Variants in KCNA2 observed in about 807,000 individuals in gnomAD.
The protein encoded by KCNA2 is potassium channel, voltage gated shaker related subfamily A, member 2.
In KCNA2, 11 loss-of-function variants were observed where a neutral mutation model predicts 33.4. The ratio of observed to expected loss-of-function variants is 0.33; its 90% CI spans 0.21 to 0.55. KCNA2 has a LOEUF of 0.55. KCNA2 is among the 20% of genes least tolerant of loss of function. The probability of loss-of-function intolerance (pLI) is 0.93; values close to 1 mark genes in which losing one functional copy is unlikely to be tolerated. For missense variants in KCNA2, 291 were observed against 621.6 expected, an observed-to-expected ratio of 0.47 and a Z score of 5.66; for synonymous variants, 222 against 231.3, an observed-to-expected ratio of 0.96 and a Z score of 0.37.
rs1649156666 is a variant in KCNA2 at position 110,597,716 on chromosome 1, C to T, written c.*5567G>A. 1 of 985,240 alleles carries T rather than the reference C, an allele frequency of 1.0e-6. No homozygotes were observed. Among genetic ancestry groups the T allele is most frequent in the Non-Finnish European group, 1.2e-6 (1 of 829,912 alleles). 61.0% of individuals were successfully genotyped at this position (985,240 alleles called of 1,614,324 possible). A position where few individuals can be genotyped will look rare whatever the true frequency, so the allele number is the denominator to read the frequency against. On this transcript the variant is annotated 3_prime_UTR_variant, in exon 3 of 3. Transcript: ENST00000316361. ...GAAGTCAAGGGCATTATCTGATAATCCAGGTACTATCTATCACTTTTCAGT... is the reference window on the plus strand; with the variant it reads ...GAAGTCAAGGGCATTATCTGATAATTCAGGTACTATCTATCACTTTTCAGT...
chr1:110,594,076 G>A lies in KCNA2; in HGVS notation c.*9207C>T, dbSNP rs893291203. ...AGTTCCCTTTCGGCATCATCCTTAC[G>A]AAGCTTTACCATCAGCCTTGGAGTT... On this transcript the variant is annotated 3_prime_UTR_variant, in exon 3 of 3. Coordinates refer to ENST00000316361, the MANE Select transcript of KCNA2 (RefSeq NM_004974.4). The A allele has an allele frequency of 3.0e-5, 44 of 1,444,306 alleles. No individual in the cohort carries two copies. In the South Asian group the frequency reaches 4.6e-4, roughly 15 times the overall value. 89.5% of individuals were successfully genotyped at this position (1,444,306 alleles called of 1,614,324 possible). A position where few individuals can be genotyped will look rare whatever the true frequency, so the allele number is the denominator to read the frequency against.
chr1:110,609,697 C>CA (rs1336832133), upstream of KCNA2, among the ~76,000 whole-genome samples: 1 of 151,084 alleles, frequency 6.6e-6, no homozygotes. Flanking sequence ...TGAACAATGA[C>CA]AAAAAAAGAA....
chr1:110,604,036 G>T lies in KCNA2; in HGVS notation c.747C>A (p.Gly249=), dbSNP rs1388485895. The change falls in exon 3 of 3, where the codon GGC becomes GGA. Residue 249 remains glycine (G), a synonymous_variant. Coordinates refer to ENST00000316361, the MANE Select transcript of KCNA2 (RefSeq NM_004974.4). This position sits in a 1 kb window ranked among gnomAD's most constrained non-coding sequence, Gnocchi z 7.6. The part of the protein sequence containing the change: ...VRFFACPSKA[G]FFTNIMNIID... ...TGATGTTCATGATGTTGGTGAAGAAGCCGGCTTTGCTGGGACAGGCAAAGA... is the reference window on the plus strand; with the variant it reads ...TGATGTTCATGATGTTGGTGAAGAATCCGGCTTTGCTGGGACAGGCAAAGA... 6.2e-7 allele frequency: 1 copy of T among 1,614,212 alleles called. No homozygotes were observed.
chr1:110,601,465 G>A lies in KCNA2; in HGVS notation c.*1818C>T, dbSNP rs779743117. 3.0e-6 allele frequency: 3 copies of A among 985,632 alleles called. No individual in the cohort carries two copies. Among genetic ancestry groups the A allele is most frequent in the Non-Finnish European group, 3.6e-6 (3 of 830,066 alleles). The allele number at this position is 985,632 out of a possible 1,614,324, so 61.1% of individuals were successfully genotyped here. On this transcript the variant is annotated 3_prime_UTR_variant, in exon 3 of 3. Transcript: ENST00000316361. ...CAAGGGAAGAGGTGAAAATGGAGATGATGAACAGGATGAACTGTAGAGAGG... is the reference window on the plus strand; with the variant it reads ...CAAGGGAAGAGGTGAAAATGGAGATAATGAACAGGATGAACTGTAGAGAGG...
upstream of KCNA2, chr1:110,607,573 ATTC>A (rs1649717383): frequency 6.6e-6 from 1 of 152,028 alleles, no homozygotes; most frequent in Admixed American, 6.5e-5. Context: ...CGAGGAAAAC[ATTC>A]TTTGGCAGAG....
In KCNA2 at chr1:110,597,973, T is replaced by C. The variant is rs1236369136; in HGVS notation, c.*5310A>G. On this transcript the variant is annotated 3_prime_UTR_variant, in exon 3 of 3. Transcript: ENST00000316361. ...CATCTGTCCCTGCTGGTTGCTTTGATAGGGGAACAGGGTTGGACTCAACAA... is the reference window on the plus strand; with the variant it reads ...CATCTGTCCCTGCTGGTTGCTTTGACAGGGGAACAGGGTTGGACTCAACAA... The C allele has an allele frequency of 1.0e-6, 1 of 985,238 alleles. No individual in the cohort carries two copies. The highest frequency in any genetic ancestry group is 1.7e-5 in the African/African-American group (1 of 57,220). 61.0% of individuals were successfully genotyped at this position (985,238 alleles called of 1,614,324 possible).
At chr1:110,629,227 CA>C (rs1309624190) in intron 1 of KCNA2, among the ~76,000 whole-genome samples, 2 of 152,188 alleles carry the variant, frequency 1.3e-5, no homozygotes, top group Admixed American at 1.3e-4. Context: ...ACCACCAAAT[CA>C]CCAAATGATC....
chr1:110,620,954 G>A (rs1281062138), intron 1 of KCNA2, among the ~76,000 whole-genome samples: 2 of 152,226 alleles, frequency 1.3e-5, no homozygotes, highest in Non-Finnish European at 2.9e-5. Flanking sequence ...TCTCACTAAA[G>A]TGTGAGAATT....
upstream of KCNA2, among the ~76,000 whole-genome samples, chr1:110,609,862 A>G (rs78155637): frequency 1.8e-4 from 27 of 152,318 alleles, 1 homozygote; most frequent in East Asian, 5.2e-3. Context: ...AACACTTGCT[A>G]GCTGTATGAA....
At chr1:110,614,781 T>G (rs570639901) in intron 1 of KCNA2, among the ~76,000 whole-genome samples, 20 of 152,294 alleles carry the variant, frequency 1.3e-4, no homozygotes, top group Non-Finnish European at 1.0e-4. Flanking sequence ...GTCACTATTT[T>G]GCTGAGAGGA....
Position 110,594,053 on chromosome 1 carries a change from T to C in KCNA2, c.*9230A>G. ...CCTCTTATCACCATGGAGACCCCAG[T>C]TCCCTTTCGGCATCATCCTTACGAA... On this transcript the variant is annotated 3_prime_UTR_variant, in exon 3 of 3. Transcript: ENST00000316361. 1 of 1,488,814 alleles carries C rather than the reference T, an allele frequency of 6.7e-7. No homozygotes were observed. Among genetic ancestry groups the C allele is most frequent in the Non-Finnish European group, 8.9e-7 (1 of 1,121,396 alleles). 92.2% of individuals were successfully genotyped at this position (1,488,814 alleles called of 1,614,324 possible).
At chr1:110,620,494 G>T (rs112098423) in intron 1 of KCNA2, among the ~76,000 whole-genome samples, 3,356 of 152,262 alleles carry the variant, frequency 0.022, 138 homozygotes, top group African/African-American at 0.074. Flanking sequence ...CGGAGGTGAA[G>T]GCTGTGCTGT....
chr1:110,622,078 T>A (rs1349240239), intron 1 of KCNA2, among the ~76,000 whole-genome samples: 1 of 152,222 alleles, frequency 6.6e-6, no homozygotes, highest in Admixed American at 6.5e-5. Flanking sequence ...ATATGCTTCA[T>A]GAACATAGAC....
intron 1 of KCNA2, among the ~76,000 whole-genome samples, chr1:110,611,723 C>A (rs189584426): frequency 2.3e-3 from 270 of 118,592 alleles, no homozygotes; most frequent in African/African-American, 9.0e-3. Context: ...AAGATCCTGT[C>A]TTGAAAAAAA....
intron 1 of KCNA2, among the ~76,000 whole-genome samples, chr1:110,631,229 T>C (rs750967097): frequency 9.2e-5 from 14 of 152,200 alleles, no homozygotes; most frequent in Non-Finnish European, 1.3e-4. Flanking sequence ...TCAAATCCCT[T>C]GTCTGGCCCT....
intron 1 of KCNA2, among the ~76,000 whole-genome samples, chr1:110,624,220 A>G (rs1346756478): frequency 6.6e-6 from 1 of 152,276 alleles, no homozygotes; most frequent in Non-Finnish European, 1.5e-5. Flanking sequence ...TAGTCAATAT[A>G]GCTAGAAACA....
At chr1:110,613,697 G>A (rs1394503858) in intron 1 of KCNA2, among the ~76,000 whole-genome samples, 1 of 152,200 alleles carries the variant, frequency 6.6e-6, no homozygotes, top group East Asian at 1.9e-4. Flanking sequence ...GGATAGCAGG[G>A]CAGGGAGGAG....
Position 110,600,345 on chromosome 1 carries a change from C to T in KCNA2, c.*2938G>A. 7.1e-6 allele frequency: 7 copies of T among 984,248 alleles called. No homozygotes were observed. Among genetic ancestry groups the T allele is most frequent in the Non-Finnish European group, 8.4e-6 (7 of 829,740 alleles). 61.0% of individuals were successfully genotyped at this position (984,248 alleles called of 1,614,324 possible). A position where few individuals can be genotyped will look rare whatever the true frequency, so the allele number is the denominator to read the frequency against. ...AAGTAGCCTTTGTGTATCTTATATGCATATGCATTTTGTCCATGTAGTTTT... is the reference window on the plus strand; with the variant it reads ...AAGTAGCCTTTGTGTATCTTATATGTATATGCATTTTGTCCATGTAGTTTT... On this transcript the variant is annotated 3_prime_UTR_variant, in exon 3 of 3. Transcript: ENST00000316361.
At chr1:110,609,573 G>C (rs922488582), upstream of KCNA2, among the ~76,000 whole-genome samples, 1 of 152,178 alleles carries the variant, frequency 6.6e-6, no homozygotes, top group Non-Finnish European at 1.5e-5. Context: ...CAGGTGGAAT[G>C]AGCAGCTCTT....
Sources: gnomAD v4.1 joint callset for allele counts (sites outside exome capture counted in the v4.1 genomes callset) on GRCh38, gnomAD v4.1.1 for gene constraint, Gnocchi (gnomAD v3.1) non-coding constraint, MANE v1.5 for transcripts, NCBI Gene and HGNC (gene_info 2026-07-23, HGNC 2026-07-21) for gene names.